The following TMEM74 variants were observed in gnomAD, a reference collection of about 807,000 sequenced individuals.
TMEM74 encodes transmembrane protein 74.
In TMEM74, 13 loss-of-function variants were observed where a neutral mutation model predicts 18.1. That is an observed-to-expected ratio of 0.72 (90% CI 0.47 to 1.14). TMEM74 has a LOEUF of 1.14. Ranked by LOEUF, TMEM74 falls within the 50% of genes most tolerant of loss-of-function variation. The pLI is 0.00. For synonymous variants in TMEM74, 159 were observed against 146.6 expected (o/e 1.08, Z -0.61); for missense variants, 372 against 375.9 (o/e 0.99, Z 0.09).
At chr8:108,685,650 G>A (rs1813160441) in intron 1 of TMEM74, among the ~76,000 whole-genome samples, 1 of 152,104 alleles carries the variant, frequency 6.6e-6, no homozygotes, top group Non-Finnish European at 1.5e-5. Flanking sequence ...TGGAATGGGA[G>A]TCCTAACAAA....
intron 1 of TMEM74, among the ~76,000 whole-genome samples, chr8:108,680,418 CAT>C (rs1813100622): frequency 6.6e-6 from 1 of 152,170 alleles, no homozygotes; most frequent in East Asian, 1.9e-4. Flanking sequence ...ACAAAAACCA[CAT>C]GATTATCTCA....
At chr8:108,684,343 T>C (rs1157297023) in intron 1 of TMEM74, among the ~76,000 whole-genome samples, 1 of 152,132 alleles carries the variant, frequency 6.6e-6, no homozygotes, top group Non-Finnish European at 1.5e-5. Context: ...TTTGCATTTC[T>C]CTGATGATTA....
rs746600740 is a variant in TMEM74, at chr8:108,784,241, C to T, written c.858G>A (p.Thr286=). The change falls in exon 2 of 2, where the codon ACG becomes ACA. Residue 286 remains threonine (T), a synonymous_variant. Coordinates refer to ENST00000297459, the MANE Select transcript of TMEM74 (RefSeq NM_153015.3). The part of the protein sequence containing the change: ...GSFNFRMKTS[T]NENTLELSLV... ...AGGACAGTTCCAGAGTGTTTTCATT[C>T]GTGCTGGTTTTCATCCTGAAGTTGA... The T allele has an allele frequency of 5.7e-5, 92 of 1,614,052 alleles. No individual in the cohort carries two copies. The highest frequency in any genetic ancestry group is 1.6e-4 in the Middle Eastern group (1 of 6,082).
At chr8:108,758,210 A>G (rs530468420) in intron 1 of TMEM74, among the ~76,000 whole-genome samples, 94 of 152,200 alleles carry the variant, frequency 6.2e-4, no homozygotes, top group African/African-American at 2.2e-3. Flanking sequence ...AAAACAAAAC[A>G]GAACAAATAC....
intron 1 of TMEM74, among the ~76,000 whole-genome samples, chr8:108,765,981 C>T (rs964259979): frequency 6.6e-6 from 1 of 151,820 alleles, no homozygotes; most frequent in African/African-American, 2.4e-5. Flanking sequence ...TTGGAAAAAG[C>T]AAAAAGTATA....
chr8:108,750,199 G>A (rs1447326948), intron 1 of TMEM74, among the ~76,000 whole-genome samples: 2 of 152,110 alleles, frequency 1.3e-5, no homozygotes, highest in Non-Finnish European at 2.9e-5. Flanking sequence ...GATGCATAAA[G>A]CCTCTGAACA....
At chr8:108,773,851 G>A (rs975874874) in intron 1 of TMEM74, among the ~76,000 whole-genome samples, 3 of 152,152 alleles carry the variant, frequency 2.0e-5, no homozygotes, top group African/African-American at 4.8e-5. Flanking sequence ...AGCCAACAGC[G>A]TGACTGAAAC....
chr8:108,651,657 G>C (rs981953113), intron 2 of TMEM74, among the ~76,000 whole-genome samples: 1 of 150,980 alleles, frequency 6.6e-6, no homozygotes, highest in Non-Finnish European at 1.5e-5. Flanking sequence ...GAGCTTTGAG[G>C]TGTGTGTGTG....
rs1284431848 is a variant in TMEM74 at position 108,746,669 on chromosome 8, G to A, written n.119+40807C>T. ...GACTCCTAAATAGCCTCAGGATGGG[G>A]GCTGGTTGCCAGGGGAACAAACCAT... On this transcript the variant is annotated intron_variant and non_coding_transcript_variant, in intron 1 of 3. Coordinates refer to the TMEM74 transcript ENST00000518838. 3.9e-5 allele frequency among the ~76,000 whole-genome samples: 6 copies of A among 152,102 alleles called. No homozygotes were observed. In the East Asian group the frequency reaches 1.2e-3, roughly 29 times the overall value.
chr8:108,719,128 A>G (rs909566663), intron 1 of TMEM74, among the ~76,000 whole-genome samples: 1 of 152,088 alleles, frequency 6.6e-6, no homozygotes, highest in Non-Finnish European at 1.5e-5. Flanking sequence ...GAAGACATTT[A>G]CTTTGAAATA....
chr8:108,724,778 C>A (rs1378770795), intron 1 of TMEM74, among the ~76,000 whole-genome samples: 1 of 152,110 alleles, frequency 6.6e-6, no homozygotes, highest in African/African-American at 2.4e-5. Flanking sequence ...ACTGGGCAGA[C>A]TCCAATGGCT....
chr8:108,714,151 CAAA>C (rs779285157), intron 1 of TMEM74, among the ~76,000 whole-genome samples: 51 of 152,268 alleles, frequency 3.3e-4, no homozygotes, highest in South Asian at 1.7e-3. Flanking sequence ...ACAGACACCC[CAAA>C]ATAATTCTTT....
intron 1 of TMEM74, among the ~76,000 whole-genome samples, chr8:108,750,274 T>G (rs1586283841): frequency 6.6e-6 from 1 of 152,180 alleles, no homozygotes; most frequent in African/African-American, 2.4e-5. Flanking sequence ...TATTTAATTA[T>G]GGAAATTCAT....
In TMEM74 at chr8:108,721,866, T is replaced by C. The variant is rs1310147350; in HGVS notation, n.119+65610A>G. ...TCTGCTTTTATTTACCTTATATCAG[T>C]TTATGCTTCCTAGAAGTTTATACAA... On this transcript the variant is annotated intron_variant and non_coding_transcript_variant, in intron 1 of 3. Transcript: ENST00000518838. Among the ~76,000 whole-genome samples the C allele has an allele frequency of 2.0e-5, 3 of 152,212 alleles. No homozygotes were observed. The East Asian group carries it at 5.8e-4, about 29-fold the overall frequency.
intron 1 of TMEM74, among the ~76,000 whole-genome samples, chr8:108,693,171 G>T (rs766892168): frequency 6.6e-6 from 1 of 152,114 alleles, no homozygotes; most frequent in Admixed American, 6.5e-5. Flanking sequence ...CACATAAGCC[G>T]GTATGGCTGG....
chr8:108,673,672 C>G (rs1813025768), intron 1 of TMEM74, among the ~76,000 whole-genome samples: 1 of 152,066 alleles, frequency 6.6e-6, no homozygotes, highest in African/African-American at 2.4e-5. Context: ...TAAAATGTAC[C>G]TAAAGTAAGC....
chr8:108,659,680 C>T (rs1255685233), intron 1 of TMEM74, among the ~76,000 whole-genome samples: 2 of 152,118 alleles, frequency 1.3e-5, no homozygotes, highest in African/African-American at 4.8e-5. Flanking sequence ...TTAATATGTC[C>T]AAGATAGAAC....
chr8:108,762,812 G>A (rs534889553), intron 1 of TMEM74, among the ~76,000 whole-genome samples: 3 of 152,134 alleles, frequency 2.0e-5, no homozygotes, highest in African/African-American at 2.4e-5. Context: ...TGGGAGAAGC[G>A]GGAGAATTGC....
intron 2 of TMEM74, among the ~76,000 whole-genome samples, chr8:108,635,523 T>G (rs746437090): frequency 1.8e-4 from 28 of 152,126 alleles, no homozygotes; most frequent in Non-Finnish European, 3.7e-4. Flanking sequence ...GAAAAGGTCT[T>G]CAAATTTAAT....
Sources: gnomAD v4.1 joint callset for allele counts (sites outside exome capture counted in the v4.1 genomes callset) on GRCh38, gnomAD v4.1.1 for gene constraint, MANE v1.5 for transcripts, NCBI Gene and HGNC (gene_info 2026-07-23, HGNC 2026-07-21) for gene names.